Variants in GMDS observed in about 807,000 individuals in gnomAD.
GMDS encodes the protein GDP-mannose 4,6 dehydratase.
A neutral mutation model predicts 49.9 loss-of-function variants in GMDS; 20 were observed. The ratio of observed to expected loss-of-function variants is 0.40; its 90% CI spans 0.28 to 0.58. The LOEUF is 0.58. Ranked by LOEUF, GMDS falls within the 20% of genes least tolerant of loss-of-function variation. The pLI is 0.42. For synonymous variants in GMDS, 177 were observed against 178.6 expected, an observed-to-expected ratio of 0.99 and a Z score of 0.07; for missense variants, 362 against 481.4, an observed-to-expected ratio of 0.75 and a Z score of 2.32.
chr6:1,867,684 A>C (rs1257916125), intron 7 of GMDS, among the ~76,000 whole-genome samples: 2 of 152,210 alleles, frequency 1.3e-5, no homozygotes, highest in Non-Finnish European at 2.9e-5. Context: ...GATATGAGAA[A>C]ATTTCCCTCT....
At chr6:1,957,120 T>A (rs1434650389) in intron 6 of GMDS, among the ~76,000 whole-genome samples, 4 of 152,194 alleles carry the variant, frequency 2.6e-5, no homozygotes, top group Non-Finnish European at 5.9e-5. Context: ...TAGCTTTAAT[T>A]ACTATATGAG....
chr6:2,083,238 G>GT (rs1338930552), intron 4 of GMDS, among the ~76,000 whole-genome samples: 2 of 152,170 alleles, frequency 1.3e-5, no homozygotes, highest in Non-Finnish European at 2.9e-5. Context: ...GTAAACGCTA[G>GT]TATCTTCCTT....
At chr6:1,813,027 G>A (rs1481730201) in intron 7 of GMDS, among the ~76,000 whole-genome samples, 1 of 151,868 alleles carries the variant, frequency 6.6e-6, no homozygotes, top group Non-Finnish European at 1.5e-5. Context: ...AGACCAGCTG[G>A]GCTAACACAG....
intron 4 of GMDS, among the ~76,000 whole-genome samples, chr6:2,048,239 A>G (rs1016013487): frequency 1.3e-5 from 2 of 152,218 alleles, no homozygotes; most frequent in South Asian, 2.1e-4. Flanking sequence ...CATGTTTTAG[A>G]AGGCTAATTA....
At chr6:1,825,626 A>G (rs1771074702) in intron 7 of GMDS, among the ~76,000 whole-genome samples, 1 of 152,220 alleles carries the variant, frequency 6.6e-6, no homozygotes, top group Admixed American at 6.5e-5. Flanking sequence ...AAATCTGTAT[A>G]CTCATTTAAG....
At chr6:1,938,024 G>A (rs1019979603) in intron 6 of GMDS, among the ~76,000 whole-genome samples, 19 of 152,022 alleles carry the variant, frequency 1.2e-4, no homozygotes, top group African/African-American at 4.3e-4. Context: ...GAAAAAAAAA[G>A]GGGGATACTT....
At position 1,640,280 on chromosome 6, in the gene GMDS, G is replaced by A. The variant is rs528118587; in HGVS notation, c.988-15740C>T. 1.3e-5 allele frequency among the ~76,000 whole-genome samples: 2 copies of A among 152,282 alleles called. No homozygotes were observed. Among genetic ancestry groups the A allele is most frequent in the Middle Eastern group, 3.4e-3 (1 of 294 alleles). On this transcript the variant is annotated intron_variant, in intron 9 of 10. Transcript: ENST00000380815. The surrounding 1 kb of genome is among the most constrained non-coding windows in gnomAD (Gnocchi z 4.0). ...ATGCTTCCTCTTCTTCACTGAAACTGTGCCCGTGGAGAAGCACATGGGATT... is the reference window on the plus strand; with the variant it reads ...ATGCTTCCTCTTCTTCACTGAAACTATGCCCGTGGAGAAGCACATGGGATT...
chr6:2,122,180 T>C (rs1392033448), intron 2 of GMDS, among the ~76,000 whole-genome samples: 1 of 152,232 alleles, frequency 6.6e-6, no homozygotes, highest in East Asian at 1.9e-4. Flanking sequence ...AACTTCATCA[T>C]ATGATTCAAT....
intron 4 of GMDS, among the ~76,000 whole-genome samples, chr6:2,074,270 G>A (rs1772187784): frequency 1.3e-5 from 2 of 152,294 alleles, no homozygotes; most frequent in South Asian, 4.1e-4. Context: ...GACACTTAGT[G>A]ATCTTGAGCA....
chr6:1,889,567 A>C (rs1350267744), intron 7 of GMDS, among the ~76,000 whole-genome samples: 1 of 152,186 alleles, frequency 6.6e-6, no homozygotes, highest in Non-Finnish European at 1.5e-5. Context: ...CCCAAGTTCC[A>C]AACGTCCACT....
At chr6:2,117,591 A>G (rs748474322) in intron 2 of GMDS, 35 bp from the exon 3 acceptor site, 4 of 1,041,362 alleles carry the variant, frequency 3.8e-6, no homozygotes, top group East Asian at 2.4e-5. Context: ...TAAATGTGCA[A>G]TGAGGACTAA....
intron 7 of GMDS, among the ~76,000 whole-genome samples, chr6:1,874,787 G>C (rs566151881): frequency 3.3e-5 from 5 of 152,286 alleles, no homozygotes; most frequent in South Asian, 4.1e-4. Flanking sequence ...CAATGGATGT[G>C]AAAGCCCTGT....
At chr6:1,821,130 A>G (rs1770870663) in intron 7 of GMDS, among the ~76,000 whole-genome samples, 1 of 152,220 alleles carries the variant, frequency 6.6e-6, no homozygotes, top group African/African-American at 2.4e-5. Context: ...ATATTTTGAG[A>G]GAAGCAATTA....
intron 4 of GMDS, among the ~76,000 whole-genome samples, chr6:1,973,384 A>G (rs1764723958): frequency 6.6e-6 from 1 of 152,228 alleles, no homozygotes; most frequent in South Asian, 2.1e-4. Flanking sequence ...AACATCCCCA[A>G]GCTCTGTTGG....
intron 6 of GMDS, among the ~76,000 whole-genome samples, chr6:1,949,857 T>A (rs1235989347): frequency 6.6e-6 from 1 of 152,186 alleles, no homozygotes. Context: ...GGAGATTACT[T>A]CATCCCCTGA....
At chr6:2,045,341 A>G (rs1232075871) in intron 4 of GMDS, among the ~76,000 whole-genome samples, 5 of 151,748 alleles carry the variant, frequency 3.3e-5, no homozygotes, top group African/African-American at 1.2e-4. Context: ...TATTGTTTAT[A>G]TATTACTGCT....
At chr6:1,930,271 T>C (rs761298137) in intron 6 of GMDS, 41 bp from the exon 7 acceptor site, 1 of 1,585,214 alleles carries the variant, frequency 6.3e-7, no homozygotes, top group East Asian at 2.3e-5. Context: ...CAAGTGCACT[T>C]GACACATTTA....
intron 9 of GMDS, among the ~76,000 whole-genome samples, chr6:1,666,182 G>GA (rs1265137505): frequency 1.3e-5 from 2 of 152,304 alleles, no homozygotes; most frequent in Middle Eastern, 3.4e-3. Flanking sequence ...CAAAGGCCGT[G>GA]AGAGTCCCTG....
intron 4 of GMDS, among the ~76,000 whole-genome samples, chr6:1,962,574 T>C (rs1472966963): frequency 2.0e-5 from 3 of 152,200 alleles, no homozygotes; most frequent in Non-Finnish European, 4.4e-5. Context: ...GTCTTTTTTG[T>C]TATATCCATC....
Sources: gnomAD v4.1 joint callset for allele counts (sites outside exome capture counted in the v4.1 genomes callset) on GRCh38, gnomAD v4.1.1 for gene constraint, Gnocchi (gnomAD v3.1) non-coding constraint, MANE v1.5 for transcripts, NCBI Gene and HGNC (gene_info 2026-07-23, HGNC 2026-07-21) for gene names.